DGKB: variants seen among roughly 807,000 people sequenced by gnomAD.
The protein encoded by DGKB is diacylglycerol kinase beta, also known as 90 kDa diacylglycerol kinase.
Under a neutral mutation model 114.3 loss-of-function variants are expected in DGKB, and 67 were observed. That is an observed-to-expected ratio of 0.59 (90% CI 0.48 to 0.72). The LOEUF is 0.72. DGKB is among the 30% of genes least tolerant of loss of function. The pLI, the probability that DGKB is intolerant of heterozygous loss-of-function variation, is 0.00. For synonymous variants in DGKB, 398 were observed against 323.1 expected (o/e 1.23, Z -2.49); for missense variants, 907 against 975.2 (o/e 0.93, Z 0.93).
chr7:14,382,913 A>C (rs1460726442), intron 21 of DGKB, among the ~76,000 whole-genome samples: 1 of 152,210 alleles, frequency 6.6e-6, no homozygotes, highest in African/African-American at 2.4e-5. Flanking sequence ...GGAAGGGGCC[A>C]GAAGGAATCC....
At chr7:14,691,111 G>C (rs1822786281) in intron 9 of DGKB, among the ~76,000 whole-genome samples, 1 of 152,146 alleles carries the variant, frequency 6.6e-6, no homozygotes, top group Admixed American at 6.5e-5. Context: ...CTTTAAAATA[G>C]ACTAGTTTTT....
At chr7:14,901,673 G>T (rs1017294904) in intron 1 of DGKB, among the ~76,000 whole-genome samples, 11 of 135,880 alleles carry the variant, frequency 8.1e-5, no homozygotes, top group African/African-American at 3.1e-4. Flanking sequence ...GACCTGGTTA[G>T]GTACCCCAAC....
At chr7:14,689,832 T>C (rs544229893) in intron 9 of DGKB, among the ~76,000 whole-genome samples, 1 of 152,346 alleles carries the variant, frequency 6.6e-6, no homozygotes, top group South Asian at 2.1e-4. Flanking sequence ...CATAGTCTTC[T>C]ATTCTCCATC....
intron 1 of DGKB, among the ~76,000 whole-genome samples, chr7:14,892,979 T>C (rs911438468): frequency 6.6e-6 from 1 of 151,012 alleles, no homozygotes; most frequent in African/African-American, 2.4e-5. Context: ...CATACATATA[T>C]AGATGTATGT....
At chr7:14,428,347 T>G (rs1379555742) in intron 21 of DGKB, among the ~76,000 whole-genome samples, 1 of 152,170 alleles carries the variant, frequency 6.6e-6, no homozygotes, top group Non-Finnish European at 1.5e-5. Flanking sequence ...CTTTAACATC[T>G]TCCTTAGTCT....
chr7:14,217,666 C>T (rs1479459339), intron 23 of DGKB, among the ~76,000 whole-genome samples: 2 of 151,398 alleles, frequency 1.3e-5, no homozygotes. Context: ...AAGTGAGATG[C>T]AAGTGAAAAA....
At position 14,970,648 on chromosome 7, in the gene DGKB, A is replaced by G. The variant is rs145288965; in HGVS notation, c.-188+4048T>C. Among the ~76,000 whole-genome samples the G allele has an allele frequency of 2.2e-3, 333 of 152,220 alleles. 5 individuals carry two copies. Among genetic ancestry groups the G allele is most frequent in the African/African-American group, 7.8e-3 (323 of 41,548 alleles). ...TCAATCACAAAGTGAAAGCGGGTAA[A>G]ATTGCCCTCTTGTTTTCATACCCCT... On this transcript the variant is annotated intron_variant, in intron 1 of 4. Transcript: ENST00000437998.
At chr7:14,367,899 A>G (rs1816949262) in intron 21 of DGKB, among the ~76,000 whole-genome samples, 1 of 152,026 alleles carries the variant, frequency 6.6e-6, no homozygotes, top group African/African-American at 2.4e-5. Context: ...CACCAGCATG[A>G]TCCATTCACC....
intron 23 of DGKB, chr7:14,209,274 G>A (rs1287260534): frequency 1.1e-5 from 3 of 280,154 alleles, no homozygotes; most frequent in Non-Finnish European, 2.1e-5. Context: ...AATAATTAAA[G>A]TCAGTCCCAT....
chr7:14,294,880 C>A (rs757762500), intron 23 of DGKB, among the ~76,000 whole-genome samples: 1 of 152,056 alleles, frequency 6.6e-6, no homozygotes, highest in Non-Finnish European at 1.5e-5. Flanking sequence ...TAGGATTTAG[C>A]CTGGGTTTTG....
intron 21 of DGKB, among the ~76,000 whole-genome samples, chr7:14,402,978 G>C (rs146533260): frequency 3.4e-4 from 52 of 151,758 alleles, no homozygotes; most frequent in African/African-American, 1.3e-3. Flanking sequence ...TGCAGTTTTC[G>C]GACATTTCAG....
chr7:14,513,147 G>C (rs1037782497), intron 20 of DGKB, among the ~76,000 whole-genome samples: 1 of 152,004 alleles, frequency 6.6e-6, no homozygotes, highest in Admixed American at 6.5e-5. Flanking sequence ...TTATAAAAGT[G>C]CTATTAATAA....
chr7:14,366,898 G>A (rs961625592), intron 21 of DGKB, among the ~76,000 whole-genome samples: 9 of 152,138 alleles, frequency 5.9e-5, no homozygotes, highest in South Asian at 2.1e-4. Flanking sequence ...AACAAAATAC[G>A]AAGAAACCTA....
At chr7:14,272,475 G>A (rs970906889) in intron 23 of DGKB, among the ~76,000 whole-genome samples, 1 of 152,150 alleles carries the variant, frequency 6.6e-6, no homozygotes, top group South Asian at 2.1e-4. Context: ...TGAAGATTTA[G>A]TTCAGAAAAA....
At chr7:14,226,470 C>T (rs1413805344) in intron 23 of DGKB, among the ~76,000 whole-genome samples, 1 of 151,906 alleles carries the variant, frequency 6.6e-6, no homozygotes, top group Non-Finnish European at 1.5e-5. Flanking sequence ...AAGACAGTTT[C>T]TAGTAATATA....
chr7:14,173,681 T>C (rs117052227), intron 25 of DGKB, among the ~76,000 whole-genome samples: 1,834 of 152,310 alleles, frequency 0.012, 20 homozygotes, highest in Non-Finnish European at 0.016. Context: ...AAACGCTCCA[T>C]AGTTAACCAT....
At chr7:14,549,559 G>A (rs970212070) in intron 20 of DGKB, among the ~76,000 whole-genome samples, 1 of 151,946 alleles carries the variant, frequency 6.6e-6, no homozygotes, top group Non-Finnish European at 1.5e-5. Flanking sequence ...CAGAAATTCT[G>A]GTTCAGTATT....
At chr7:14,958,811 C>T (rs1227899719) in intron 1 of DGKB, among the ~76,000 whole-genome samples, 1 of 152,008 alleles carries the variant, frequency 6.6e-6, no homozygotes, top group Non-Finnish European at 1.5e-5. Context: ...CCCCACATAG[C>T]GTGCTGGAAT....
chr7:14,166,303 T>G (rs1378861738), intron 25 of DGKB, among the ~76,000 whole-genome samples: 1 of 152,232 alleles, frequency 6.6e-6, no homozygotes, highest in Non-Finnish European at 1.5e-5. Context: ...CTCAAACTGC[T>G]TAAATCTGGG....
Sources: allele counts gnomAD v4.1 joint callset (sites outside exome capture counted in the v4.1 genomes callset), GRCh38; gene constraint gnomAD v4.1.1; transcripts MANE v1.5; gene names NCBI Gene and HGNC (gene_info 2026-07-23, HGNC 2026-07-21).